Variants in TAOK3 observed in about 807,000 individuals in gnomAD.
The protein encoded by TAOK3 is serine/threonine-protein kinase TAO3.
Under a neutral mutation model 120.4 loss-of-function variants are expected in TAOK3, and 40 were observed. The observed-to-expected ratio is 0.33, with a 90% CI of 0.26 to 0.43. The LOEUF (loss-of-function observed/expected upper bound fraction) is 0.43. Among genes scored for constraint, TAOK3 ranks in the 20% least tolerant of loss-of-function variants. TAOK3 has a pLI of 1.00. For missense variants in TAOK3, 821 were observed against 1,112.1 expected (o/e 0.74, Z 3.72); for synonymous variants, 355 against 387.5 (o/e 0.92, Z 0.99).
rs1441627954 is a variant in TAOK3 at position 118,188,016 on chromosome 12, T to C, written c.1329+1791A>G. On this transcript the variant is annotated intron_variant, in intron 14 of 20. Coordinates refer to ENST00000392533, the MANE Select transcript of TAOK3 (RefSeq NM_016281.4). Reference sequence around the variant, plus strand: ...ATGCGAGCATGAGATTATTCTGGCATGGCTGTAGTAATCTCTTGCTGGGAG... The same window carrying C: ...ATGCGAGCATGAGATTATTCTGGCACGGCTGTAGTAATCTCTTGCTGGGAG... 3.9e-5 allele frequency among the ~76,000 whole-genome samples: 6 copies of C among 152,144 alleles called. No homozygotes were observed. The East Asian group carries it at 1.2e-3, about 29-fold the overall frequency.
At chr12:118,362,166 T>C (rs1196453470) in intron 1 of TAOK3, among the ~76,000 whole-genome samples, 1 of 152,086 alleles carries the variant, frequency 6.6e-6, no homozygotes, top group East Asian at 1.9e-4. Flanking sequence ...GAGTTGGAGA[T>C]ACAGCAATTA....
chr12:118,188,500 C>T (rs2037211579), intron 14 of TAOK3, among the ~76,000 whole-genome samples: 1 of 152,144 alleles, frequency 6.6e-6, no homozygotes, highest in African/African-American at 2.4e-5. Flanking sequence ...CATAAAGGAA[C>T]TTTAAAGTGG....
At chr12:118,254,667 T>C (rs1413301501) in intron 3 of TAOK3, among the ~76,000 whole-genome samples, 1 of 152,152 alleles carries the variant, frequency 6.6e-6, no homozygotes, top group Non-Finnish European at 1.5e-5. Flanking sequence ...CAGAGTTTTC[T>C]AGGTGGGGTA....
At chr12:118,317,457 C>T (rs935023306) in intron 1 of TAOK3, among the ~76,000 whole-genome samples, 2 of 151,850 alleles carry the variant, frequency 1.3e-5, no homozygotes, top group Non-Finnish European at 2.9e-5. Context: ...TGCCACCACG[C>T]CAAGCTAATT....
chr12:118,176,318 T>C (rs532541171), intron 16 of TAOK3, among the ~76,000 whole-genome samples: 1 of 152,200 alleles, frequency 6.6e-6, no homozygotes, highest in African/African-American at 2.4e-5. Flanking sequence ...CCATGGTGGC[T>C]GGTGCAGCGA....
intron 1 of TAOK3, among the ~76,000 whole-genome samples, chr12:118,339,121 A>C (rs1387663499): frequency 6.6e-6 from 1 of 152,164 alleles, no homozygotes; most frequent in African/African-American, 2.4e-5. Flanking sequence ...ACGTGGTGAC[A>C]CTAGAGTTTT....
At chr12:118,270,869 G>C (rs900450155) in intron 1 of TAOK3, among the ~76,000 whole-genome samples, 4 of 151,704 alleles carry the variant, frequency 2.6e-5, no homozygotes, top group Non-Finnish European at 4.4e-5. Flanking sequence ...AGTAGAGATG[G>C]GGTTTCACCA....
chr12:118,222,420 C>G (rs1341078165), intron 9 of TAOK3, among the ~76,000 whole-genome samples: 1 of 151,904 alleles, frequency 6.6e-6, no homozygotes, highest in Non-Finnish European at 1.5e-5. Flanking sequence ...GTAGTCCCAG[C>G]TACTTGGGAG....
chr12:118,231,519 A>T (rs1444578735), intron 9 of TAOK3, among the ~76,000 whole-genome samples: 1 of 152,208 alleles, frequency 6.6e-6, no homozygotes, highest in East Asian at 1.9e-4. Flanking sequence ...CATTTTAGGA[A>T]AAGAGAAGAC....
At chr12:118,220,671 GA>G (rs1565968883) in intron 9 of TAOK3, among the ~76,000 whole-genome samples, 1 of 151,932 alleles carries the variant, frequency 6.6e-6, no homozygotes, top group South Asian at 2.1e-4. Context: ...AAAACACAAA[GA>G]AAACTCAGTT....
chr12:118,192,903 ATCTAT>A (rs981088591), intron 13 of TAOK3, among the ~76,000 whole-genome samples: 1 of 152,010 alleles, frequency 6.6e-6, no homozygotes, highest in African/African-American at 2.4e-5. Context: ...AGAAGAATAA[ATCTAT>A]TCTACTTTGC....
At chr12:118,203,656 A>G (rs917950260) in intron 11 of TAOK3, among the ~76,000 whole-genome samples, 10 of 151,082 alleles carry the variant, frequency 6.6e-5, no homozygotes, top group African/African-American at 2.2e-4. Flanking sequence ...GTAAGCTGAG[A>G]TCACACCATT....
intron 1 of TAOK3, among the ~76,000 whole-genome samples, chr12:118,332,274 AC>A (rs1440660210): frequency 6.6e-6 from 1 of 151,356 alleles, no homozygotes. Context: ...CCTTCCCCCA[AC>A]CCCCACCCAC....
chr12:118,203,907 A>T (rs1158478339), intron 11 of TAOK3, among the ~76,000 whole-genome samples: 1 of 152,188 alleles, frequency 6.6e-6, no homozygotes, highest in Non-Finnish European at 1.5e-5. Flanking sequence ...CAAAAGGGCA[A>T]ATGCCCCTTA....
intron 2 of TAOK3, among the ~76,000 whole-genome samples, chr12:118,264,405 C>T (rs886867737): frequency 7.2e-5 from 11 of 152,168 alleles, no homozygotes; most frequent in Admixed American, 1.3e-4. Flanking sequence ...TACAGATATA[C>T]ACTACAATAT....
At chr12:118,248,277 A>G (rs2040605116) in intron 3 of TAOK3, among the ~76,000 whole-genome samples, 1 of 151,690 alleles carries the variant, frequency 6.6e-6, no homozygotes, top group Non-Finnish European at 1.5e-5. Flanking sequence ...AGTACCTATT[A>G]TATATTAATG....
rs34740967 is a variant in TAOK3, at chr12:118,288,915, C to CAA, written c.-193-22158_-193-22157dup. ...TGGACAACAGAGCAAGACTCTATCT[C>CAA]AAAAAAAAAAAAAAAAAAAAGAAAG... is the stretch of plus-strand genomic sequence containing the variant. On this transcript the variant is annotated intron_variant, in intron 1 of 20. Coordinates refer to ENST00000392533, the MANE Select transcript of TAOK3 (RefSeq NM_016281.4). 7.1e-4 allele frequency among the ~76,000 whole-genome samples: 67 copies of CAA among 94,172 alleles called. 1 individual carries two copies. The highest frequency in any genetic ancestry group is 2.6e-3 in the African/African-American group (65 of 24,592). 61.8% of individuals were successfully genotyped at this position (94,172 alleles called of 152,430 possible).
intron 1 of TAOK3, among the ~76,000 whole-genome samples, chr12:118,274,945 T>C (rs949577228): frequency 1.3e-5 from 2 of 152,030 alleles, no homozygotes; most frequent in African/African-American, 4.8e-5. Context: ...TACTTTGATA[T>C]GAGGCCAGCA....
intron 8 of TAOK3, among the ~76,000 whole-genome samples, chr12:118,234,436 C>G (rs903109590): frequency 1.1e-4 from 17 of 151,426 alleles, no homozygotes; most frequent in Non-Finnish European, 1.2e-4. Flanking sequence ...AGTAGAGACG[C>G]GGTTTCACCA....
Sources: gnomAD v4.1 joint callset for allele counts (sites outside exome capture counted in the v4.1 genomes callset) on GRCh38, gnomAD v4.1.1 for gene constraint, MANE v1.5 for transcripts, NCBI Gene and HGNC (gene_info 2026-07-23, HGNC 2026-07-21) for gene names.